IQCH: variants seen among roughly 807,000 people sequenced by gnomAD.
IQCH encodes the protein IQ motif containing H.
Under a neutral mutation model 117.0 loss-of-function variants are expected in IQCH, and 98 were observed. That is an observed-to-expected ratio of 0.84 (90% CI 0.71 to 0.99). IQCH has a LOEUF of 0.99. IQCH is among the 50% of genes least tolerant of loss of function. The probability of loss-of-function intolerance (pLI) is 0.00; values close to 1 mark genes in which losing one functional copy is unlikely to be tolerated. For missense variants in IQCH, 1,102 were observed against 1,243.8 expected (o/e 0.89, Z 1.72); for synonymous variants, 412 against 448.2 (o/e 0.92, Z 1.02).
chr15:67,351,138 A>G (rs1014053621), intron 6 of IQCH, among the ~76,000 whole-genome samples: 4 of 152,148 alleles, frequency 2.6e-5, no homozygotes, highest in Admixed American at 6.5e-5. Flanking sequence ...TTTGTTACAT[A>G]GGTATTTATG....
chr15:67,290,921 A>G (rs1044558797), intron 4 of IQCH, among the ~76,000 whole-genome samples: 2 of 137,128 alleles, frequency 1.5e-5, no homozygotes, highest in Non-Finnish European at 3.2e-5. Context: ...GTTTGTTACA[A>G]TGTTTTTGGA....
chr15:67,469,924 G>C (rs2083026597), intron 17 of IQCH, among the ~76,000 whole-genome samples: 1 of 152,202 alleles, frequency 6.6e-6, no homozygotes, highest in Non-Finnish European at 1.5e-5. Flanking sequence ...CCTTGCATCA[G>C]CTGAGAATCA....
At chr15:67,310,312 AGTGT>A (rs1297470952) in intron 4 of IQCH, among the ~76,000 whole-genome samples, 1 of 151,906 alleles carries the variant, frequency 6.6e-6, no homozygotes, top group East Asian at 1.9e-4. Flanking sequence ...GCTTACTCTG[AGTGT>A]GTGTGTGTAC....
intron 5 of IQCH, among the ~76,000 whole-genome samples, chr15:67,340,452 A>AAAAAAAAAAAAAAAAAAAC (rs1567110048): frequency 8.6e-6 from 1 of 116,214 alleles, no homozygotes; most frequent in Non-Finnish European, 1.9e-5. Flanking sequence ...AAAAAAAAAA[A>AAAAAAAAAAAAAAAAAAAC]AAAAAAAAAA....
At chr15:67,336,120 C>T (rs2140655147) in intron 4 of IQCH, among the ~76,000 whole-genome samples, 1 of 152,188 alleles carries the variant, frequency 6.6e-6, no homozygotes, top group Middle Eastern at 3.4e-3. Flanking sequence ...AAACAAATTT[C>T]TAATCTTTCT....
intron 8 of IQCH, among the ~76,000 whole-genome samples, chr15:67,367,366 A>G (rs1478806859): frequency 6.6e-6 from 1 of 152,004 alleles, no homozygotes; most frequent in Non-Finnish European, 1.5e-5. Context: ...TGAGACCCTT[A>G]TCTCTACAAA....
chr15:67,401,932 T>A lies in IQCH; in HGVS notation c.2097+1627T>A, dbSNP rs928094456. Among the ~76,000 whole-genome samples, 2 of 152,344 alleles carry A rather than the reference T, an allele frequency of 1.3e-5. No homozygotes were observed. The highest frequency in any genetic ancestry group is 1.9e-4 in the East Asian group (1 of 5,196). On this transcript the variant is annotated intron_variant, in intron 14 of 20. Transcript: ENST00000335894. The surrounding 1 kb of genome is among the most constrained non-coding windows in gnomAD (Gnocchi z 4.7). ...ATTAAACCATAAAAATATGGTTTTT[T>A]AATTTAAAACATTGAAGTGTTAATG...
intron 10 of IQCH, chr15:67,374,194 A>G (rs1254751481): frequency 6.6e-6 from 1 of 152,098 alleles, no homozygotes; most frequent in Non-Finnish European, 1.5e-5. Flanking sequence ...TTGCTTCCTT[A>G]TTTTGTTTTG....
intron 4 of IQCH, among the ~76,000 whole-genome samples, chr15:67,293,353 G>A (rs1175825798): frequency 6.6e-6 from 1 of 152,024 alleles, no homozygotes; most frequent in South Asian, 2.1e-4. Context: ...CTATTCGTGG[G>A]GGATTGGTCC....
intron 16 of IQCH, among the ~76,000 whole-genome samples, chr15:67,461,622 C>A (rs931911052): frequency 6.6e-6 from 1 of 152,224 alleles, no homozygotes; most frequent in Non-Finnish European, 1.5e-5. Flanking sequence ...AAAATTTGTC[C>A]TCCTGTTTCC....
At chr15:67,344,285 T>A in intron 6 of IQCH, 94 bp downstream of exon 6, 1 of 1,079,172 alleles carries the variant, frequency 9.3e-7, no homozygotes, top group Non-Finnish European at 1.3e-6. Context: ...TTGTCCTCAA[T>A]AATAGGACAA....
chr15:67,389,373 C>A (rs1208943426), intron 12 of IQCH, among the ~76,000 whole-genome samples: 2 of 152,008 alleles, frequency 1.3e-5, no homozygotes, highest in East Asian at 3.9e-4. Flanking sequence ...AGAACTAGAC[C>A]AGGCCCTCTC....
chr15:67,451,732 T>C (rs2082533385), intron 16 of IQCH, among the ~76,000 whole-genome samples: 1 of 152,220 alleles, frequency 6.6e-6, no homozygotes, highest in African/African-American at 2.4e-5. Flanking sequence ...TGTAGATGTC[T>C]ATTAGGTCTG....
chr15:67,468,251 TAACAC>T (rs2082982849), intron 17 of IQCH, among the ~76,000 whole-genome samples: 2 of 152,222 alleles, frequency 1.3e-5, no homozygotes, highest in South Asian at 2.1e-4. Flanking sequence ...GCAAACATCT[TAACAC>T]AACCCAAGTC....
chr15:67,343,047 C>T (rs1969239337), intron 5 of IQCH, among the ~76,000 whole-genome samples: 1 of 152,168 alleles, frequency 6.6e-6, no homozygotes, highest in African/African-American at 2.4e-5. Flanking sequence ...CTCTCCAACC[C>T]TTCAGTGATC....
chr15:67,298,095 G>A (rs1448139912), intron 4 of IQCH, among the ~76,000 whole-genome samples: 1 of 152,078 alleles, frequency 6.6e-6, no homozygotes, highest in Non-Finnish European at 1.5e-5. Flanking sequence ...GATCTTCTGA[G>A]GTCAGGAGTT....
chr15:67,350,530 A>C (rs1418916781), intron 6 of IQCH, among the ~76,000 whole-genome samples: 5 of 151,850 alleles, frequency 3.3e-5, no homozygotes, highest in African/African-American at 1.2e-4. Context: ...AGGTTCAAGC[A>C]ATTCTCCTGC....
rs1596361328 is a variant in IQCH, at chr15:67,430,849, A to G, written c.2505+9272A>G. Among the ~76,000 whole-genome samples the G allele has an allele frequency of 6.6e-6, 1 of 152,350 alleles. No individual in the cohort carries two copies. The highest frequency in any genetic ancestry group is 1.9e-4 in the East Asian group (1 of 5,186). On this transcript the variant is annotated intron_variant, in intron 16 of 20. Transcript: ENST00000335894. The surrounding 1 kb of genome is among the most constrained non-coding windows in gnomAD (Gnocchi z 5.1). ...GAGTTCACATTCTAGTTGGGAAGATAGGCTTGAAAAATGAGTAGCAAGGAA... is the reference window on the plus strand; with the variant it reads ...GAGTTCACATTCTAGTTGGGAAGATGGGCTTGAAAAATGAGTAGCAAGGAA...
intron 16 of IQCH, 152 bp downstream of exon 16, chr15:67,421,729 C>T (rs930363703): frequency 8.4e-5 from 65 of 769,656 alleles, no homozygotes; most frequent in South Asian, 1.8e-4. Context: ...ATGGCCCATG[C>T]GAATCCAAGT....
Sources: gnomAD v4.1 joint callset for allele counts (sites outside exome capture counted in the v4.1 genomes callset) on GRCh38, gnomAD v4.1.1 for gene constraint, Gnocchi (gnomAD v3.1) non-coding constraint, MANE v1.5 for transcripts, NCBI Gene and HGNC (gene_info 2026-07-23, HGNC 2026-07-21) for gene names.